Variants in BCKDHB observed in about 807,000 individuals in gnomAD.
The protein encoded by BCKDHB is branched chain keto acid dehydrogenase E1 subunit beta.
In BCKDHB, 41 loss-of-function variants were observed where a neutral mutation model predicts 48.5. The observed-to-expected ratio is 0.85, with a 90% confidence interval of 0.66 to 1.10. BCKDHB has a LOEUF of 1.10. BCKDHB is among the 50% of genes least tolerant of loss of function. The pLI is 0.00. For missense variants in BCKDHB, 496 were observed against 494.2 expected, an observed-to-expected ratio of 1.00 and a Z score of -0.03; for synonymous variants, 201 against 174.8, an observed-to-expected ratio of 1.15 and a Z score of -1.18.
chr6:80,119,533 C>T (rs1166802390), intron 1 of BCKDHB, among the ~76,000 whole-genome samples: 1 of 152,062 alleles, frequency 6.6e-6, no homozygotes, highest in East Asian at 1.9e-4. Context: ...GTTAGCCAGG[C>T]TGGTCTCGAA....
At chr6:80,421,128 A>G in the BCKDHB span, among the ~76,000 whole-genome samples, 1 of 152,088 alleles carries the variant, frequency 6.6e-6, no homozygotes, top group Non-Finnish European at 1.5e-5. Flanking sequence ...TGATTGAATC[A>G]TGGGGTTGGT....
At chr6:80,421,872 A>G in the BCKDHB span, among the ~76,000 whole-genome samples, 4 of 152,240 alleles carry the variant, frequency 2.6e-5, no homozygotes, top group African/African-American at 9.6e-5. Context: ...AAAGGAAAAC[A>G]GAACATAAAT....
chr6:80,257,968 A>G (rs1777128471), intron 8 of BCKDHB, among the ~76,000 whole-genome samples: 3 of 151,984 alleles, frequency 2.0e-5, no homozygotes, highest in East Asian at 1.9e-4. Flanking sequence ...CAAATTAACC[A>G]TCACAACATA....
At chr6:80,210,579 A>T (rs1562139866) in intron 8 of BCKDHB, among the ~76,000 whole-genome samples, 1 of 152,150 alleles carries the variant, frequency 6.6e-6, no homozygotes, top group Admixed American at 6.6e-5. Flanking sequence ...AAACTTGAAC[A>T]AAATTTTTAA....
At chr6:80,420,320 C>G in the BCKDHB span, among the ~76,000 whole-genome samples, 1 of 152,172 alleles carries the variant, frequency 6.6e-6, no homozygotes, top group Non-Finnish European at 1.5e-5. Flanking sequence ...AAAAGGCCTT[C>G]TACATATTCT....
the BCKDHB span, among the ~76,000 whole-genome samples, chr6:80,462,506 A>C: frequency 6.6e-6 from 1 of 152,224 alleles, no homozygotes; most frequent in East Asian, 1.9e-4. Context: ...GCTCACATCC[A>C]GACATGGGAA....
At chr6:80,209,298 G>GAAAATCA (rs1562138713) in intron 8 of BCKDHB, among the ~76,000 whole-genome samples, 1 of 151,770 alleles carries the variant, frequency 6.6e-6, no homozygotes, top group Non-Finnish European at 1.5e-5. Context: ...ACTTTACACA[G>GAAAATCA]AAAATCACAG....
At chr6:80,173,511 T>C (rs1340785365) in intron 6 of BCKDHB, among the ~76,000 whole-genome samples, 1 of 152,128 alleles carries the variant, frequency 6.6e-6, no homozygotes, top group Non-Finnish European at 1.5e-5. Flanking sequence ...ACTGCTAGCT[T>C]ATTAGAAATG....
rs80136998 is a variant in BCKDHB, at chr6:80,218,878, A to C, written c.951+15666A>C. On this transcript the variant is annotated intron_variant, in intron 8 of 9. Coordinates refer to ENST00000320393, the MANE Select transcript of BCKDHB (RefSeq NM_183050.4). Reference sequence around the variant, plus strand: ...TTTTAAAAGTTGAAAAGCAGTACACACTGTTAATATTATTATGATAACAAA... The same window carrying C: ...TTTTAAAAGTTGAAAAGCAGTACACCCTGTTAATATTATTATGATAACAAA... Among the ~76,000 whole-genome samples, 1,415 of 152,274 alleles carry C rather than the reference A, an allele frequency of 9.3e-3. 29 individuals are homozygous for C. The highest frequency in any genetic ancestry group is 0.032 in the African/African-American group (1,346 of 41,554).
chr6:80,147,185 A>G (rs904913025), intron 3 of BCKDHB, among the ~76,000 whole-genome samples: 1 of 152,194 alleles, frequency 6.6e-6, no homozygotes, highest in African/African-American at 2.4e-5. Context: ...CTTTGCAGAT[A>G]CAGAAACTAA....
chr6:80,224,475 C>A (rs552487073), intron 8 of BCKDHB, among the ~76,000 whole-genome samples: 1 of 152,202 alleles, frequency 6.6e-6, no homozygotes, highest in African/African-American at 2.4e-5. Context: ...TCACTGCAAC[C>A]TCTGCCTCCC....
intron 3 of BCKDHB, among the ~76,000 whole-genome samples, chr6:80,164,238 A>G (rs1016602255): frequency 2.0e-5 from 3 of 152,024 alleles, no homozygotes; most frequent in African/African-American, 4.8e-5. Context: ...TTTATCTCCT[A>G]CTACTCTTTC....
downstream of BCKDHB, among the ~76,000 whole-genome samples, chr6:80,347,808 A>G (rs1478867866): frequency 6.6e-6 from 1 of 152,206 alleles, no homozygotes; most frequent in Non-Finnish European, 1.5e-5. Context: ...TCTATGGCAT[A>G]AGACATACAT....
At chr6:80,312,634 C>A (rs1768228143) in intron 9 of BCKDHB, among the ~76,000 whole-genome samples, 1 of 152,244 alleles carries the variant, frequency 6.6e-6, no homozygotes, top group South Asian at 2.1e-4. Flanking sequence ...GCATTTTTAA[C>A]ATGAAGGGAT....
the BCKDHB span, among the ~76,000 whole-genome samples, chr6:80,412,816 C>G: frequency 6.6e-6 from 1 of 152,150 alleles, no homozygotes; most frequent in Admixed American, 6.5e-5. Flanking sequence ...CAGGTTTTTA[C>G]TTTCAATTTT....
the BCKDHB span, among the ~76,000 whole-genome samples, chr6:80,397,906 C>T: frequency 1.3e-5 from 2 of 152,002 alleles, no homozygotes; most frequent in African/African-American, 4.8e-5. Context: ...CAACAAACAA[C>T]AAACAAACAA....
intron 1 of BCKDHB, among the ~76,000 whole-genome samples, chr6:80,110,745 C>T (rs777549189): frequency 3.9e-5 from 6 of 152,204 alleles, no homozygotes; most frequent in Non-Finnish European, 8.8e-5. Flanking sequence ...ACCAGTGGGT[C>T]TTAAGAGCCC....
chr6:80,165,590 T>G (rs967600461), intron 3 of BCKDHB, among the ~76,000 whole-genome samples: 1 of 152,250 alleles, frequency 6.6e-6, no homozygotes, highest in Non-Finnish European at 1.5e-5. Context: ...AGACTGTGGC[T>G]ATTGTCTTTG....
At chr6:80,421,917 A>C in the BCKDHB span, among the ~76,000 whole-genome samples, 1 of 152,222 alleles carries the variant, frequency 6.6e-6, no homozygotes, top group East Asian at 1.9e-4. Flanking sequence ...ATGAGGTAGA[A>C]AAGAAAAACC....
Sources: allele counts gnomAD v4.1 joint callset (sites outside exome capture counted in the v4.1 genomes callset), GRCh38; gene constraint gnomAD v4.1.1; transcripts MANE v1.5; gene names NCBI Gene and HGNC (gene_info 2026-07-23, HGNC 2026-07-21).